The following SSPN variants were observed in gnomAD, a reference collection of about 807,000 sequenced individuals.
The protein encoded by SSPN is K-ras oncogene-associated protein.
In SSPN, 15 loss-of-function variants were observed where a neutral mutation model predicts 19.1. The ratio of observed to expected loss-of-function variants is 0.78; its 90% CI spans 0.52 to 1.21. The LOEUF is 1.21. Among genes scored for constraint, SSPN ranks in the 50% most tolerant of loss-of-function variants. The probability of loss-of-function intolerance (pLI) is 0.00; values close to 1 mark genes in which losing one functional copy is unlikely to be tolerated. For missense variants in SSPN, 291 were observed against 314.0 expected (o/e 0.93, Z 0.55); for synonymous variants, 147 against 140.3 (o/e 1.05, Z -0.34).
At chr12:26,174,392 G>A (rs915291125) in intron 1 of SSPN, among the ~76,000 whole-genome samples, 1 of 151,928 alleles carries the variant, frequency 6.6e-6, no homozygotes, top group Admixed American at 6.6e-5. Flanking sequence ...AAAGTGTAAA[G>A]TTTGGTAAGT....
upstream of SSPN, among the ~76,000 whole-genome samples, chr12:26,194,642 C>T (rs1190669795): frequency 6.6e-6 from 1 of 152,190 alleles, no homozygotes; most frequent in Non-Finnish European, 1.5e-5. Context: ...CCTCGGCCTC[C>T]CAAAGTGTTG....
intron 1 of SSPN, among the ~76,000 whole-genome samples, chr12:26,199,480 A>G (rs1399817546): frequency 6.6e-6 from 1 of 152,224 alleles, no homozygotes; most frequent in Non-Finnish European, 1.5e-5. Flanking sequence ...TGAGGGTTGT[A>G]AGTCATACCG....
At chr12:26,123,561 T>A in intron 1 of SSPN, 1 of 1,078,886 alleles carries the variant, frequency 9.3e-7, no homozygotes, top group Admixed American at 1.7e-5. Flanking sequence ...GGTGAGGGAG[T>A]CCTGACACTG....
At chr12:26,215,981 T>A (rs183298952) in intron 1 of SSPN, among the ~76,000 whole-genome samples, 1 of 152,336 alleles carries the variant, frequency 6.6e-6, no homozygotes, top group African/African-American at 2.4e-5. Context: ...CTTTTACATT[T>A]CTAAAACATC....
At chr12:26,132,802 C>G (rs1591843211) in intron 1 of SSPN, among the ~76,000 whole-genome samples, 2 of 152,330 alleles carry the variant, frequency 1.3e-5, no homozygotes, top group South Asian at 4.1e-4. Context: ...TAAACTTTCT[C>G]TCTTTGGTGT....
rs766567971 is a variant in SSPN at position 26,230,779 on chromosome 12, C to G, written c.435C>G (p.His145Gln). ...VCVLAVAFAAHHYSQLTQFTC... is the reference protein window; with the variant it reads ...VCVLAVAFAAQHYSQLTQFTC... ...TGCTGGCCGTGGCCTTTGCCGCCCA[C>G]CACTATTCGCAGCTCACACAGTTTA... is the stretch of plus-strand genomic sequence containing the variant. The change falls in exon 3 of 3, where the codon CAC becomes CAG. Residue 145 changes from histidine (H) to glutamine (Q), a missense_variant. His to Gln is a conservative substitution (Grantham distance 24). Transcript: ENST00000242729. The G allele has an allele frequency of 1.9e-6, 3 of 1,614,214 alleles. No homozygotes were observed. Among genetic ancestry groups the G allele is most frequent in the South Asian group, 2.2e-5 (2 of 91,088 alleles).
At chr12:26,174,826 C>G (rs1023981117) in intron 1 of SSPN, among the ~76,000 whole-genome samples, 2 of 152,092 alleles carry the variant, frequency 1.3e-5, no homozygotes, top group African/African-American at 4.8e-5. Context: ...CGGCCTCCCC[C>G]TACCATTTCT....
chr12:26,156,043 A>G (rs1235258153), intron 1 of SSPN, among the ~76,000 whole-genome samples: 3 of 152,234 alleles, frequency 2.0e-5, no homozygotes, highest in Non-Finnish European at 4.4e-5. Context: ...CTTTGATGGT[A>G]AAGAATCTTA....
intron 1 of SSPN, among the ~76,000 whole-genome samples, chr12:26,177,445 C>T (rs901433291): frequency 2.0e-5 from 3 of 152,172 alleles, no homozygotes; most frequent in African/African-American, 7.2e-5. Context: ...GCCCAGTGTT[C>T]AGTAAGTCAG....
At chr12:26,192,628 C>T (rs1944796232), upstream of SSPN, among the ~76,000 whole-genome samples, 3 of 152,284 alleles carry the variant, frequency 2.0e-5, no homozygotes, top group South Asian at 6.2e-4. Context: ...ACCAGGCCTC[C>T]TCAAACACAG....
At chr12:26,161,064 T>C (rs1477013227) in intron 1 of SSPN, among the ~76,000 whole-genome samples, 3 of 141,588 alleles carry the variant, frequency 2.1e-5, no homozygotes, top group Admixed American at 7.7e-5. Context: ...GCTGAGACTG[T>C]GCCACTGCAC....
intron 1 of SSPN, among the ~76,000 whole-genome samples, chr12:26,200,821 A>G (rs1049735634): frequency 6.6e-6 from 1 of 151,570 alleles, no homozygotes; most frequent in Non-Finnish European, 1.5e-5. Flanking sequence ...CTGGGAAATA[A>G]TTTTTATTAT....
chr12:26,148,721 T>C (rs929574401), intron 1 of SSPN, among the ~76,000 whole-genome samples: 1 of 152,180 alleles, frequency 6.6e-6, no homozygotes, highest in African/African-American at 2.4e-5. Context: ...AAAGCTTGCT[T>C]TATGATGAAA....
chr12:26,168,214 G>A (rs1299871718), intron 1 of SSPN, among the ~76,000 whole-genome samples: 242 of 117,374 alleles, frequency 2.1e-3, no homozygotes, highest in Non-Finnish European at 1.8e-3. Context: ...CCCTGTCTCA[G>A]AAAAAAAAAA....
intron 1 of SSPN, among the ~76,000 whole-genome samples, chr12:26,206,765 A>G (rs1405533063): frequency 6.6e-6 from 1 of 152,216 alleles, no homozygotes; most frequent in Non-Finnish European, 1.5e-5. Flanking sequence ...TTGATTCATG[A>G]GAAAGGCTGG....
At chr12:26,190,950 TA>T (rs1944783784), upstream of SSPN, among the ~76,000 whole-genome samples, 2 of 152,210 alleles carry the variant, frequency 1.3e-5, no homozygotes, top group Non-Finnish European at 2.9e-5. Flanking sequence ...AATCACTTTT[TA>T]AATTACCATA....
At chr12:26,215,016 C>A (rs927005444) in intron 1 of SSPN, among the ~76,000 whole-genome samples, 1 of 152,162 alleles carries the variant, frequency 6.6e-6, no homozygotes, top group Non-Finnish European at 1.5e-5. Context: ...CTCATATTCA[C>A]ATCTGGCATG....
At chr12:26,227,805 A>C (rs922724137) in intron 2 of SSPN, among the ~76,000 whole-genome samples, 9 of 152,196 alleles carry the variant, frequency 5.9e-5, no homozygotes, top group Non-Finnish European at 1.2e-4. Flanking sequence ...ACAGGGATTG[A>C]TGAATTTGCC....
At chr12:26,123,288 T>C in intron 1 of SSPN, 1 of 1,310,700 alleles carries the variant, frequency 7.6e-7, no homozygotes. Context: ...TCTCGGTTTT[T>C]CCCCAGTATT....
Sources: allele counts gnomAD v4.1 joint callset (sites outside exome capture counted in the v4.1 genomes callset), GRCh38; gene constraint gnomAD v4.1.1; transcripts MANE v1.5; gene names NCBI Gene and HGNC (gene_info 2026-07-23, HGNC 2026-07-21).